The following IMMP2L variants were observed in gnomAD, a reference collection of about 807,000 sequenced individuals.
IMMP2L encodes the protein inner mitochondrial membrane peptidase subunit 2, also known as mitochondrial inner membrane protease subunit 2.
Under a neutral mutation model 19.3 loss-of-function variants are expected in IMMP2L, and 18 were observed. That is an observed-to-expected ratio of 0.93 (90% confidence interval 0.64 to 1.38). The LOEUF is 1.38. IMMP2L is among the 40% of genes most tolerant of loss of function. IMMP2L has a pLI of 0.00. For synonymous variants in IMMP2L, 76 were observed against 73.0 expected, an observed-to-expected ratio of 1.04 and a Z score of -0.21; for missense variants, 233 against 218.2, an observed-to-expected ratio of 1.07 and a Z score of -0.43.
intron 3 of IMMP2L, among the ~76,000 whole-genome samples, chr7:111,411,136 C>A (rs550974435): frequency 6.8e-6 from 1 of 146,170 alleles, no homozygotes; most frequent in South Asian, 2.2e-4. Flanking sequence ...TTAAAAGTAC[C>A]CAGAAAAAAA....
At chr7:111,252,033 C>T (rs541492404) in intron 3 of IMMP2L, among the ~76,000 whole-genome samples, 1 of 151,062 alleles carries the variant, frequency 6.6e-6, no homozygotes, top group Non-Finnish European at 1.5e-5. Context: ...TTGACATGAA[C>T]AGAAAAAAAG....
At chr7:110,986,493 G>A (rs774636065) in intron 3 of IMMP2L, among the ~76,000 whole-genome samples, 1 of 152,176 alleles carries the variant, frequency 6.6e-6, no homozygotes, top group Non-Finnish European at 1.5e-5. Context: ...TATCTCTACT[G>A]TATCAAACAG....
chr7:111,532,525 C>T (rs1446746455), intron 1 of IMMP2L: 3 of 152,056 alleles, frequency 2.0e-5, no homozygotes, highest in Non-Finnish European at 4.4e-5. Flanking sequence ...TACAACATGG[C>T]TTTTCCTTTG....
chr7:111,239,841 T>C (rs1349047513), intron 3 of IMMP2L, among the ~76,000 whole-genome samples: 1 of 151,974 alleles, frequency 6.6e-6, no homozygotes, highest in Non-Finnish European at 1.5e-5. Flanking sequence ...CTAAGTGTTC[T>C]TGCTAAAGGT....
chr7:111,421,314 G>A (rs1361541849), intron 3 of IMMP2L, among the ~76,000 whole-genome samples: 4 of 141,540 alleles, frequency 2.8e-5, no homozygotes. Context: ...CTGTGGCCCA[G>A]GTGGGAGTGC....
At chr7:110,852,395 G>A (rs1806329246) in intron 5 of IMMP2L, among the ~76,000 whole-genome samples, 1 of 152,038 alleles carries the variant, frequency 6.6e-6, no homozygotes, top group Admixed American at 6.6e-5. Flanking sequence ...CACCTTGCAT[G>A]AGTTTTCTAA....
At chr7:110,672,845 G>A (rs1225757976) in intron 5 of IMMP2L, among the ~76,000 whole-genome samples, 1 of 152,200 alleles carries the variant, frequency 6.6e-6, no homozygotes, top group Non-Finnish European at 1.5e-5. Flanking sequence ...GGCTTTGCAG[G>A]GAACACCTCC....
chr7:110,843,059 T>C lies in IMMP2L; in HGVS notation c.408+43534A>G, dbSNP rs567057041. Among the ~76,000 whole-genome samples, 6 of 152,294 alleles carry C rather than the reference T, an allele frequency of 3.9e-5. No individual in the cohort carries two copies. In the East Asian group the frequency reaches 9.7e-4, roughly 25 times the overall value. On this transcript the variant is annotated intron_variant, in intron 5 of 5. Transcript: ENST00000405709. ...ATGGTTATTATTGGATTACTCAAGA[T>C]AGTCTGTATAGCTTTGTGCTGGTAA...
At chr7:111,413,394 C>CA (rs376151398) in intron 3 of IMMP2L, among the ~76,000 whole-genome samples, 2,428 of 140,824 alleles carry the variant, frequency 0.017, 5 homozygotes, top group African/African-American at 0.054. Context: ...ATAGAGATTA[C>CA]AAAAAAAAAA....
At chr7:110,961,871 G>C (rs1563114488) in intron 4 of IMMP2L, among the ~76,000 whole-genome samples, 1 of 151,806 alleles carries the variant, frequency 6.6e-6, no homozygotes, top group African/African-American at 2.4e-5. Flanking sequence ...CTAAACTCTA[G>C]AGACTGAAAG....
intron 3 of IMMP2L, among the ~76,000 whole-genome samples, chr7:111,147,225 T>C (rs557308626): frequency 6.6e-6 from 1 of 152,236 alleles, no homozygotes; most frequent in East Asian, 1.9e-4. Flanking sequence ...GCCGTTGTTG[T>C]TGCTGTTGTT....
In IMMP2L at chr7:111,122,741, G is replaced by A. The variant is rs1213501734; in HGVS notation, c.240-159176C>T. The A allele has an allele frequency of 1.6e-5, 25 of 1,554,146 alleles. 1 individual carries two copies. The highest frequency in any genetic ancestry group is 2.2e-5 in the Non-Finnish European group (25 of 1,137,540). On this transcript the variant is annotated intron_variant, in intron 3 of 5. Transcript: ENST00000405709. Reference sequence around the variant, plus strand: ...TAGCACTGACTGTGGAATCCTTAAGGGCCCATTACATTTCTGAAGAAGAAA... The same window carrying A: ...TAGCACTGACTGTGGAATCCTTAAGAGCCCATTACATTTCTGAAGAAGAAA...
intron 5 of IMMP2L, among the ~76,000 whole-genome samples, chr7:110,816,457 A>C (rs945640222): frequency 2.7e-5 from 3 of 109,254 alleles, no homozygotes; most frequent in African/African-American, 8.1e-5. Flanking sequence ...TTTGGGGTGG[A>C]GAGTTCTGTA....
chr7:110,682,434 C>T (rs561341567), intron 5 of IMMP2L, among the ~76,000 whole-genome samples: 1 of 152,184 alleles, frequency 6.6e-6, no homozygotes, highest in South Asian at 2.1e-4. Context: ...ATTCCAAATA[C>T]ATGATATAAA....
At chr7:110,920,126 G>C (rs181645273) in intron 4 of IMMP2L, among the ~76,000 whole-genome samples, 76 of 152,204 alleles carry the variant, frequency 5.0e-4, no homozygotes, top group Middle Eastern at 3.4e-3. Flanking sequence ...CTACTTTTGA[G>C]GTTTTCGGAC....
chr7:111,302,051 C>T (rs1024006107), intron 3 of IMMP2L, among the ~76,000 whole-genome samples: 4 of 151,628 alleles, frequency 2.6e-5, no homozygotes, highest in African/African-American at 9.7e-5. Context: ...CAGGTCACAC[C>T]TCACACTGCA....
intron 3 of IMMP2L, among the ~76,000 whole-genome samples, chr7:111,085,866 C>G (rs1224582597): frequency 3.3e-5 from 5 of 152,138 alleles, no homozygotes. Context: ...GGCTACCATC[C>G]TTAGCAAACT....
chr7:111,471,496 G>C (rs965426602), intron 3 of IMMP2L, among the ~76,000 whole-genome samples: 3 of 152,018 alleles, frequency 2.0e-5, no homozygotes, highest in Non-Finnish European at 4.4e-5. Context: ...AATGCAACTA[G>C]TCCAAACTGA....
chr7:110,825,660 TCCTTACA>T (rs1227048724), intron 5 of IMMP2L, among the ~76,000 whole-genome samples: 19 of 152,210 alleles, frequency 1.2e-4, no homozygotes, highest in Admixed American at 3.9e-4. Context: ...CTGGATCCCT[TCCTTACA>T]CCTTATACAA....
Sources: allele counts gnomAD v4.1 joint callset (sites outside exome capture counted in the v4.1 genomes callset), GRCh38; gene constraint gnomAD v4.1.1; transcripts MANE v1.5; gene names NCBI Gene and HGNC (gene_info 2026-07-23, HGNC 2026-07-21).